Variants in DGKB observed in about 807,000 individuals in gnomAD.
DGKB encodes the protein 90 kDa diacylglycerol kinase.
Under a neutral mutation model 114.3 loss-of-function variants are expected in DGKB, and 67 were observed. The ratio of observed to expected loss-of-function variants is 0.59; its 90% CI spans 0.48 to 0.72. The LOEUF (loss-of-function observed/expected upper bound fraction) is 0.72, where lower values mean the gene tolerates loss of function less well. DGKB is among the 30% of genes least tolerant of loss of function. DGKB has a pLI of 0.00. For missense variants in DGKB, 907 were observed against 975.2 expected, an observed-to-expected ratio of 0.93 and a Z score of 0.93; for synonymous variants, 398 against 323.1, an observed-to-expected ratio of 1.23 and a Z score of -2.49.
chr7:14,614,212 G>A (rs1208150153), intron 15 of DGKB, among the ~76,000 whole-genome samples: 1 of 152,116 alleles, frequency 6.6e-6, no homozygotes, highest in East Asian at 1.9e-4. Context: ...ATGCCACGAT[G>A]GGAAATAAAG....
At chr7:14,594,515 A>C (rs1802228131) in intron 17 of DGKB, among the ~76,000 whole-genome samples, 1 of 152,086 alleles carries the variant, frequency 6.6e-6, no homozygotes, top group Non-Finnish European at 1.5e-5. Flanking sequence ...TATTTGAAAG[A>C]AGTTAAAATG....
At chr7:14,184,186 G>A (rs1783057157) in intron 23 of DGKB, among the ~76,000 whole-genome samples, 1 of 152,142 alleles carries the variant, frequency 6.6e-6, no homozygotes. Flanking sequence ...CATACCACAG[G>A]GATCCAACGG....
At chr7:14,673,647 T>C (rs1191127081) in intron 12 of DGKB, among the ~76,000 whole-genome samples, 4 of 152,096 alleles carry the variant, frequency 2.6e-5, no homozygotes. Context: ...CAATGTCCTA[T>C]TTATTTTTTA....
chr7:14,340,957 A>G (rs186014401), intron 22 of DGKB, among the ~76,000 whole-genome samples: 1 of 151,480 alleles, frequency 6.6e-6, no homozygotes, highest in East Asian at 1.9e-4. Flanking sequence ...GTTCATCTGC[A>G]GAAAAGGAGA....
At chr7:14,515,437 T>A (rs904413384) in intron 20 of DGKB, among the ~76,000 whole-genome samples, 2 of 152,210 alleles carry the variant, frequency 1.3e-5, no homozygotes, top group African/African-American at 4.8e-5. Flanking sequence ...CAAACACTTT[T>A]TCCCTGCTGT....
chr7:14,434,494 C>T (rs762676269), intron 21 of DGKB, among the ~76,000 whole-genome samples: 4 of 152,024 alleles, frequency 2.6e-5, no homozygotes, highest in African/African-American at 4.8e-5. Context: ...TTCAGCCTGG[C>T]GTTGCTGGCT....
chr7:14,840,891 C>G (rs1847847701), intron 2 of DGKB, among the ~76,000 whole-genome samples: 1 of 152,130 alleles, frequency 6.6e-6, no homozygotes, highest in Admixed American at 6.5e-5. Flanking sequence ...TTACCACTCT[C>G]CATTTTGCCA....
chr7:14,882,709 G>A (rs1854424940), intron 1 of DGKB, among the ~76,000 whole-genome samples: 1 of 151,748 alleles, frequency 6.6e-6, no homozygotes, highest in South Asian at 2.1e-4. Context: ...TCCATGTCTG[G>A]CTTGTTTTGC....
At chr7:14,866,327 A>G (rs927891058) in intron 1 of DGKB, among the ~76,000 whole-genome samples, 1 of 152,166 alleles carries the variant, frequency 6.6e-6, no homozygotes, top group Non-Finnish European at 1.5e-5. Context: ...GGGTTTGGAC[A>G]AATGTATAAT....
At chr7:14,178,710 CAAT>C (rs946854164) in intron 23 of DGKB, among the ~76,000 whole-genome samples, 4 of 151,972 alleles carry the variant, frequency 2.6e-5, no homozygotes, top group Non-Finnish European at 4.4e-5. Context: ...GTTCAAGAAA[CAAT>C]AGTAATTTTG....
intron 1 of DGKB, among the ~76,000 whole-genome samples, chr7:14,944,784 T>C (rs1785777038): frequency 6.7e-6 from 1 of 148,552 alleles, no homozygotes; most frequent in African/African-American, 2.5e-5. Context: ...AGATATGCTA[T>C]CAAAAATGTC....
At chr7:14,856,389 A>T (rs1185134406) in intron 1 of DGKB, among the ~76,000 whole-genome samples, 2 of 152,162 alleles carry the variant, frequency 1.3e-5, no homozygotes, top group Non-Finnish European at 2.9e-5. Context: ...TTTATTCCAC[A>T]TTCACAGAAA....
At chr7:14,336,123 ACTAT>A (rs1253326059) in intron 23 of DGKB, among the ~76,000 whole-genome samples, 13 of 152,338 alleles carry the variant, frequency 8.5e-5, no homozygotes, top group African/African-American at 2.4e-4. Context: ...GATAAATGTA[ACTAT>A]CTCAGTAGTA....
intron 1 of DGKB, among the ~76,000 whole-genome samples, chr7:14,918,298 AAAAC>A (rs1784338941): frequency 6.6e-6 from 1 of 152,190 alleles, no homozygotes; most frequent in African/African-American, 2.4e-5. Flanking sequence ...TGGGAAGTAA[AAAAC>A]AAAACTCTTA....
rs1725486826 is a variant in DGKB, at chr7:14,259,851, T to C, written c.2122+78664A>G. Among the ~76,000 whole-genome samples, 2 of 152,200 alleles carry C rather than the reference T, an allele frequency of 1.3e-5. 1 individual carries two copies. Among genetic ancestry groups the C allele is most frequent in the South Asian group, 4.1e-4 (2 of 4,834 alleles). On this transcript the variant is annotated intron_variant, in intron 23 of 25. Transcript: ENST00000402815. ...TTCGTAATAGGAATGTCTGACATTG[T>C]CATTGAAACATTAAAATTATAGGAA...
Position 14,148,795 on chromosome 7 carries a change from T to C in DGKB, c.*336A>G. On this transcript the variant is annotated 3_prime_UTR_variant, in exon 26 of 26. Transcript: ENST00000402815. ...GAATCACGTTTCCCATGGTATTTCC[T>C]TTTTCATGTTTCACGGGTTTTTCTC... 3.0e-6 allele frequency: 1 copy of C among 336,338 alleles called. No homozygotes were observed. The highest frequency in any genetic ancestry group is 5.5e-6 in the Non-Finnish European group (1 of 180,972). 20.8% of individuals were successfully genotyped at this position (336,338 alleles called of 1,614,324 possible).
chr7:14,670,876 C>G (rs573946859), intron 13 of DGKB, among the ~76,000 whole-genome samples: 1 of 152,188 alleles, frequency 6.6e-6, no homozygotes, highest in South Asian at 2.1e-4. Flanking sequence ...TTAATGTTTT[C>G]TTTCCTACCT....
intron 2 of DGKB, among the ~76,000 whole-genome samples, chr7:14,785,322 G>A (rs541770569): frequency 1.5e-3 from 230 of 152,040 alleles, no homozygotes; most frequent in Middle Eastern, 6.8e-3. Context: ...AAACTCACTA[G>A]CTCATTAAAA....
chr7:14,914,853 AC>A (rs1051256193), intron 1 of DGKB, among the ~76,000 whole-genome samples: 3 of 148,762 alleles, frequency 2.0e-5, no homozygotes, highest in African/African-American at 7.5e-5. Flanking sequence ...GAAAAAAAAA[AC>A]AACACCAACA....
Sources: gnomAD v4.1 joint callset for allele counts (sites outside exome capture counted in the v4.1 genomes callset) on GRCh38, gnomAD v4.1.1 for gene constraint, MANE v1.5 for transcripts, NCBI Gene and HGNC (gene_info 2026-07-23, HGNC 2026-07-21) for gene names.